The following CFDP1 variants were observed in gnomAD, a reference collection of about 807,000 sequenced individuals.
CFDP1 encodes chromatin remodeling protein CFDP1.
In CFDP1, 31 loss-of-function variants were observed where a neutral mutation model predicts 40.1. That is an observed-to-expected ratio of 0.77 (90% confidence interval 0.58 to 1.04). CFDP1 has a LOEUF of 1.04. Ranked by LOEUF, CFDP1 falls within the 50% of genes least tolerant of loss-of-function variation. CFDP1 has a pLI of 0.00. For synonymous variants in CFDP1, 167 were observed against 120.0 expected, an observed-to-expected ratio of 1.39 and a Z score of -2.56; for missense variants, 423 against 343.4, an observed-to-expected ratio of 1.23 and a Z score of -1.83.
chr16:75,417,502 C>A (rs956025736), intron 1 of CFDP1, among the ~76,000 whole-genome samples: 2 of 152,038 alleles, frequency 1.3e-5, no homozygotes, highest in Non-Finnish European at 2.9e-5. Context: ...TATGCCAGCT[C>A]TGGATGAGGA....
chr16:75,309,113 T>C (rs1404011633), intron 5 of CFDP1, among the ~76,000 whole-genome samples: 1 of 152,198 alleles, frequency 6.6e-6, no homozygotes, highest in Non-Finnish European at 1.5e-5. Flanking sequence ...GGGCTCATGA[T>C]AACCAGGAGA....
chr16:75,317,459 G>T (rs2151507658), intron 5 of CFDP1, among the ~76,000 whole-genome samples: 1 of 152,294 alleles, frequency 6.6e-6, no homozygotes, highest in Middle Eastern at 3.4e-3. Flanking sequence ...GAAGGCCAGG[G>T]GGCTCTCCAA....
At chr16:75,411,405 C>T (rs572193365) in intron 4 of CFDP1, among the ~76,000 whole-genome samples, 2 of 151,984 alleles carry the variant, frequency 1.3e-5, no homozygotes, top group South Asian at 2.1e-4. Context: ...AGCAAGACTC[C>T]GTCTCAGAAA....
In CFDP1 at chr16:75,414,599, T is replaced by C. The variant is rs1310665945; in HGVS notation, c.161A>G (p.Lys54Arg). Residue 54 changes from lysine to arginine, a missense_variant, in exon 2 of 7, where the codon AAG (lysine) becomes AGG (arginine). Physicochemically the swap from Lys to Arg is conservative, Grantham distance 26. Coordinates refer to ENST00000283882, the MANE Select transcript of CFDP1 (RefSeq NM_006324.3). The part of the protein sequence containing the change: ...QTQKTQGKKR[K>R]AQSIPARKRR... ...TCACCTGGCTGGAATGCTCTGGGCC[T>C]TTCTTTTTTTCCCTTGGGTTTTCTG... 6.2e-7 allele frequency: 1 copy of C among 1,613,200 alleles called. No individual in the cohort carries two copies. The highest frequency in any genetic ancestry group is 2.2e-5 in the East Asian group (1 of 44,884).
intron 5 of CFDP1, among the ~76,000 whole-genome samples, chr16:75,329,964 C>T (rs2078433323): frequency 6.6e-6 from 1 of 152,120 alleles, no homozygotes; most frequent in Non-Finnish European, 1.5e-5. Flanking sequence ...CCCTCAAACA[C>T]CTGTTATATT....
intron 1 of CFDP1, among the ~76,000 whole-genome samples, chr16:75,431,592 C>T (rs1020631877): frequency 2.0e-5 from 3 of 151,774 alleles, no homozygotes; most frequent in Admixed American, 6.6e-5. Flanking sequence ...TAAGCAGAGA[C>T]TGTGCCACTG....
At chr16:75,404,652 T>C (rs919235718) in intron 4 of CFDP1, among the ~76,000 whole-genome samples, 2 of 151,182 alleles carry the variant, frequency 1.3e-5, no homozygotes, top group African/African-American at 4.9e-5. Flanking sequence ...TCATAAACAA[T>C]GCAGCAATCC....
intron 5 of CFDP1, among the ~76,000 whole-genome samples, chr16:75,345,597 A>G (rs920353503): frequency 6.6e-6 from 1 of 152,206 alleles, no homozygotes; most frequent in African/African-American, 2.4e-5. Context: ...GTGAACTATA[A>G]TCATGTCACT....
At chr16:75,402,538 T>A (rs921803359) in intron 4 of CFDP1, among the ~76,000 whole-genome samples, 1 of 152,200 alleles carries the variant, frequency 6.6e-6, no homozygotes, top group African/African-American at 2.4e-5. Flanking sequence ...AACATTAAAA[T>A]ACAGTTAGAA....
At chr16:75,305,761 C>T (rs1163002368) in intron 5 of CFDP1, among the ~76,000 whole-genome samples, 1 of 152,214 alleles carries the variant, frequency 6.6e-6, no homozygotes, top group African/African-American at 2.4e-5. Flanking sequence ...GTTCCCAACA[C>T]TGATGAGTGA....
intron 5 of CFDP1, among the ~76,000 whole-genome samples, chr16:75,318,356 G>A (rs925742523): frequency 3.3e-5 from 5 of 151,860 alleles, no homozygotes; most frequent in Non-Finnish European, 7.4e-5. Flanking sequence ...TGCCTCAGTG[G>A]TGTGTTGTTT....
intron 5 of CFDP1, among the ~76,000 whole-genome samples, chr16:75,363,665 C>T (rs534422167): frequency 1.7e-4 from 26 of 152,014 alleles, no homozygotes; most frequent in Non-Finnish European, 3.1e-4. Flanking sequence ...CAAAGTGCTG[C>T]GATTACAGGT....
In CFDP1 at chr16:75,358,897, A is replaced by C. The variant is rs567140081; in HGVS notation, c.650+36193T>G. Among the ~76,000 whole-genome samples the C allele has an allele frequency of 3.3e-5, 5 of 152,246 alleles. No homozygotes were observed. In the East Asian group the frequency reaches 9.6e-4, roughly 29 times the overall value. ...GTGACTTGTTGAGAATGTCTAATGA[A>C]ATCAGTCAACGTTAGAAGAGCTGTA... On this transcript the variant is annotated intron_variant, in intron 5 of 6. Transcript: ENST00000283882.
intron 4 of CFDP1, among the ~76,000 whole-genome samples, chr16:75,407,517 A>G (rs547113539): frequency 6.6e-6 from 1 of 151,978 alleles, no homozygotes; most frequent in Admixed American, 6.6e-5. Context: ...ATTGCTACAA[A>G]AAAATTTTAA....
At chr16:75,327,104 T>G (rs1356100500) in intron 5 of CFDP1, among the ~76,000 whole-genome samples, 1 of 152,004 alleles carries the variant, frequency 6.6e-6, no homozygotes, top group East Asian at 1.9e-4. Context: ...CTGTCTCTAC[T>G]AAAAATACAA....
chr16:75,324,458 C>A (rs919089114), intron 5 of CFDP1, among the ~76,000 whole-genome samples: 1 of 152,026 alleles, frequency 6.6e-6, no homozygotes, highest in African/African-American at 2.4e-5. Context: ...ATTGTTGTTG[C>A]TGGCTGGGCG....
intron 5 of CFDP1, among the ~76,000 whole-genome samples, chr16:75,378,741 T>C (rs1005700066): frequency 1.3e-5 from 2 of 152,130 alleles, no homozygotes; most frequent in African/African-American, 2.4e-5. Flanking sequence ...ACACAGACAC[T>C]GACTGGCCGA....
chr16:75,404,305 G>T (rs571131579), intron 4 of CFDP1, among the ~76,000 whole-genome samples: 135 of 147,234 alleles, frequency 9.2e-4, no homozygotes, highest in African/African-American at 3.0e-3. Flanking sequence ...GCACGATCTC[G>T]GCTCACTGCA....
intron 5 of CFDP1, among the ~76,000 whole-genome samples, chr16:75,384,852 CTATATATATATATATATATATATATA>C (rs59681577): frequency 1.8e-4 from 22 of 120,000 alleles, no homozygotes; most frequent in South Asian, 5.1e-4. Context: ...GAAACTAAAA[CTATATATATATATATATATATATATA>C]TATATATATA....
Sources: allele counts gnomAD v4.1 joint callset (sites outside exome capture counted in the v4.1 genomes callset), GRCh38; gene constraint gnomAD v4.1.1; transcripts MANE v1.5; gene names NCBI Gene and HGNC (gene_info 2026-07-23, HGNC 2026-07-21).